CCSER1: variants seen among roughly 807,000 people sequenced by gnomAD.
CCSER1 encodes coiled-coil serine rich protein 1, also known as serine-rich coiled-coil domain-containing protein 1.
A neutral mutation model predicts 82.0 loss-of-function variants in CCSER1; 41 were observed. That is an observed-to-expected ratio of 0.50 (90% confidence interval 0.39 to 0.65). The LOEUF is 0.65. Ranked by LOEUF, CCSER1 falls within the 30% of genes least tolerant of loss-of-function variation. CCSER1 has a pLI of 0.00. For synonymous variants in CCSER1, 414 were observed against 383.9 expected (o/e 1.08, Z -0.92); for missense variants, 1,119 against 1,064.2 (o/e 1.05, Z -0.72).
At chr4:90,131,996 G>T (rs961693034) in intron 1 of CCSER1, among the ~76,000 whole-genome samples, 18 of 152,128 alleles carry the variant, frequency 1.2e-4, no homozygotes, top group African/African-American at 4.3e-4. Context: ...TGACAGTAAA[G>T]AAATTGCACA....
chr4:90,242,924 G>A (rs1163318039), intron 1 of CCSER1, among the ~76,000 whole-genome samples: 2 of 152,106 alleles, frequency 1.3e-5, no homozygotes, highest in African/African-American at 4.8e-5. Context: ...CTACTACATA[G>A]TGTGGCTTCT....
chr4:90,864,257 A>G (rs929952612), intron 8 of CCSER1, among the ~76,000 whole-genome samples: 7 of 151,828 alleles, frequency 4.6e-5, no homozygotes, highest in East Asian at 3.9e-4. Flanking sequence ...TTATTCTGCA[A>G]TGTTTGTCAG....
intron 10 of CCSER1, among the ~76,000 whole-genome samples, chr4:91,317,693 A>T (rs2149260985): frequency 6.6e-6 from 1 of 151,956 alleles, no homozygotes; most frequent in African/African-American, 2.4e-5. Flanking sequence ...TTATAATGGA[A>T]AGAAACTTAG....
chr4:91,025,022 G>T (rs1740365233), intron 9 of CCSER1, among the ~76,000 whole-genome samples: 1 of 152,106 alleles, frequency 6.6e-6, no homozygotes, highest in Non-Finnish European at 1.5e-5. Context: ...AAAGGAGTCT[G>T]TCCTGTTCAA....
chr4:91,563,944 C>T (rs1762770574), intron 10 of CCSER1, among the ~76,000 whole-genome samples: 1 of 151,696 alleles, frequency 6.6e-6, no homozygotes, highest in African/African-American at 2.4e-5. Flanking sequence ...CATAGGTAAA[C>T]ACGTGTCATG....
intron 10 of CCSER1, among the ~76,000 whole-genome samples, chr4:91,349,273 C>A (rs1748298622): frequency 6.6e-6 from 1 of 151,894 alleles, no homozygotes; most frequent in Non-Finnish European, 1.5e-5. Context: ...GTTTTTTTTA[C>A]TGTTTGCTGT....
chr4:90,375,493 C>T (rs942000698), intron 3 of CCSER1, among the ~76,000 whole-genome samples: 9 of 152,110 alleles, frequency 5.9e-5, no homozygotes, highest in Admixed American at 2.6e-4. Flanking sequence ...AAGGGCCATC[C>T]GTGATCCTTC....
At chr4:91,055,184 A>G (rs1743337323) in intron 9 of CCSER1, among the ~76,000 whole-genome samples, 1 of 151,814 alleles carries the variant, frequency 6.6e-6, no homozygotes, top group East Asian at 2.0e-4. Context: ...TATGGGTACC[A>G]TGGGGATTAC....
chr4:90,288,077 T>A (rs531722167), intron 1 of CCSER1, among the ~76,000 whole-genome samples: 39 of 152,004 alleles, frequency 2.6e-4, no homozygotes, highest in Non-Finnish European at 4.0e-4. Flanking sequence ...ATCTTGTTTA[T>A]CTGTACCATG....
At chr4:90,351,509 G>A (rs1743427303) in intron 3 of CCSER1, among the ~76,000 whole-genome samples, 1 of 151,968 alleles carries the variant, frequency 6.6e-6, no homozygotes, top group Admixed American at 6.6e-5. Flanking sequence ...AATAATTTGA[G>A]TATATATAAA....
At chr4:90,336,800 G>A (rs1019763654) in intron 3 of CCSER1, among the ~76,000 whole-genome samples, 3 of 152,172 alleles carry the variant, frequency 2.0e-5, no homozygotes, top group African/African-American at 7.2e-5. Flanking sequence ...TAAAGCAAGG[G>A]AATTCAGCCA....
intron 3 of CCSER1, among the ~76,000 whole-genome samples, chr4:90,352,730 A>G (rs1246975337): frequency 6.6e-6 from 1 of 152,076 alleles, no homozygotes; most frequent in Non-Finnish European, 1.5e-5. Context: ...AGGTAGCATG[A>G]TTTAGTAAAC....
At chr4:91,510,839 T>C (rs1031823404) in intron 10 of CCSER1, among the ~76,000 whole-genome samples, 1 of 152,206 alleles carries the variant, frequency 6.6e-6, no homozygotes. Flanking sequence ...GGTCAATTTT[T>C]GTTTTTCTTG....
At chr4:90,265,560 A>G (rs187458289) in intron 1 of CCSER1, among the ~76,000 whole-genome samples, 1,906 of 152,068 alleles carry the variant, frequency 0.013, 50 homozygotes, top group African/African-American at 0.043. Flanking sequence ...AAAAATGCCA[A>G]TGAAATAAGC....
At chr4:90,791,948 A>G (rs1478782316) in intron 7 of CCSER1, among the ~76,000 whole-genome samples, 1 of 152,236 alleles carries the variant, frequency 6.6e-6, no homozygotes, top group Non-Finnish European at 1.5e-5. Flanking sequence ...ATCAAAATAA[A>G]ACAGTTTATT....
intron 10 of CCSER1, among the ~76,000 whole-genome samples, chr4:91,232,443 G>C (rs1246845990): frequency 6.6e-6 from 1 of 151,670 alleles, no homozygotes; most frequent in African/African-American, 2.4e-5. Flanking sequence ...CTATCCATAA[G>C]ATATATTAAG....
At chr4:91,428,915 T>A (rs1202437086) in intron 10 of CCSER1, among the ~76,000 whole-genome samples, 1 of 152,008 alleles carries the variant, frequency 6.6e-6, no homozygotes. Context: ...ATCTTCCTGT[T>A]TATATCTATT....
At chr4:91,593,641 A>G (rs144765003) in intron 10 of CCSER1, among the ~76,000 whole-genome samples, 2 of 151,884 alleles carry the variant, frequency 1.3e-5, no homozygotes, top group Admixed American at 6.6e-5. Flanking sequence ...TAAAAACCCA[A>G]TGCTTTATAA....
chr4:90,910,836 T>C (rs763370665), intron 8 of CCSER1, among the ~76,000 whole-genome samples: 1 of 152,162 alleles, frequency 6.6e-6, no homozygotes, highest in Non-Finnish European at 1.5e-5. Context: ...TCCTGAGGTA[T>C]GGGGACCCAA....
Sources: gnomAD v4.1 joint callset for allele counts (sites outside exome capture counted in the v4.1 genomes callset) on GRCh38, gnomAD v4.1.1 for gene constraint, MANE v1.5 for transcripts, NCBI Gene and HGNC (gene_info 2026-07-23, HGNC 2026-07-21) for gene names.